The following ARHGAP11A variants were observed in gnomAD, a reference collection of about 807,000 sequenced individuals.
ARHGAP11A encodes Rho GTPase activating protein 11A, also known as rho GTPase-activating protein 11A.
In ARHGAP11A, 36 loss-of-function variants were observed where a neutral mutation model predicts 60.5. That is an observed-to-expected ratio of 0.59 (90% CI 0.46 to 0.79). The LOEUF (loss-of-function observed/expected upper bound fraction) is 0.79. Among genes scored for constraint, ARHGAP11A ranks in the 30% least tolerant of loss-of-function variants. The pLI is 0.00. For synonymous variants in ARHGAP11A, 362 were observed against 415.5 expected, an observed-to-expected ratio of 0.87 and a Z score of 1.57; for missense variants, 1,071 against 1,199.2, an observed-to-expected ratio of 0.89 and a Z score of 1.58.
In ARHGAP11A at chr15:32,637,313, C is replaced by A. The variant is rs764021628; in HGVS notation, c.2540C>A (p.Ser847Tyr). Residue 847 changes from serine to tyrosine, a missense_variant, in exon 12 of 12, where the codon TCT (serine) becomes TAT (tyrosine). Transcript: ENST00000361627. ...PVRQSVRRIN[S>Y]LLEYSRQPTG... ...CGTCAGTCCGTCAGAAGAATTAATT[C>A]TTTGTTGGAGTATAGCAGACAACCT... is the stretch of plus-strand genomic sequence containing the variant. 5.0e-6 allele frequency: 8 copies of A among 1,614,164 alleles called. No homozygotes were observed. Among genetic ancestry groups the A allele is most frequent in the Non-Finnish European group, 6.8e-6 (8 of 1,180,014 alleles).
At position 32,637,624 on chromosome 15, in the gene ARHGAP11A, A is replaced by C; in HGVS notation, c.2851A>C (p.Lys951Gln). 4 of 1,614,198 alleles carry C rather than the reference A, an allele frequency of 2.5e-6. No homozygotes were observed. The highest frequency in any genetic ancestry group is 3.4e-6 in the Non-Finnish European group (4 of 1,180,036). ...TAGGTCTACTACAGTTTATAAACAGAAGATCTTATCTGATGGCCAAGTTAA... is the reference window on the plus strand; with the variant it reads ...TAGGTCTACTACAGTTTATAAACAGCAGATCTTATCTGATGGCCAAGTTAA... ...SLRSTTVYKQ[K>Q]ILSDGQVKVP... The change falls in exon 12 of 12, where the codon AAG becomes CAG. Residue 951 changes from lysine (K) to glutamine (Q), a missense_variant. Lys to Gln is a moderately conservative substitution (Grantham distance 53). Around this residue, in one of 4 missense-constraint regions of ARHGAP11A, gnomAD observed 776 missense variants for 760.2 expected, o/e 1.02. Transcript: ENST00000361627.
At chr15:32,619,180 G>A (rs970538013) in intron 1 of ARHGAP11A, among the ~76,000 whole-genome samples, 1 of 152,104 alleles carries the variant, frequency 6.6e-6, no homozygotes, top group Admixed American at 6.6e-5. Flanking sequence ...CTTCTTGGTT[G>A]ATAACTTGTG....
In ARHGAP11A at chr15:32,637,765, A is replaced by G; in HGVS notation, c.2992A>G (p.Arg998Gly). ...CCTTAGGAGACCATCAGAAAGAGGA[A>G]GGGCCTGGTACAAAGGTTCTCCAAA... is the stretch of plus-strand genomic sequence containing the variant. ...RVLRRPSERG[R>G]AWYKGSPKHP... The change falls in exon 12 of 12, where the codon AGG (arginine) becomes GGG (glycine). Residue 998 changes from arginine to glycine, a missense_variant. Transcript: ENST00000361627. 6.2e-7 allele frequency: 1 copy of G among 1,614,078 alleles called. No homozygotes were observed. Among genetic ancestry groups the G allele is most frequent in the Non-Finnish European group, 8.5e-7 (1 of 1,179,974 alleles).
At chr15:32,629,975 T>TGTGTGTGTG (rs59288058) in intron 8 of ARHGAP11A, among the ~76,000 whole-genome samples, 36 of 128,958 alleles carry the variant, frequency 2.8e-4, no homozygotes, top group Admixed American at 4.9e-4. Flanking sequence ...TGTGTGTGTG[T>TGTGTGTGTG]TATGACAACA....
In ARHGAP11A at chr15:32,636,752, A is replaced by C; in HGVS notation, c.1979A>C (p.His660Pro). Residue 660 changes from histidine (H) to proline (P), a missense_variant, in exon 12 of 12, where the codon CAC becomes CCC. Coordinates refer to ENST00000361627, the MANE Select transcript of ARHGAP11A (RefSeq NM_014783.6). ...GTAGAATCAAAGGAGAAATATGAAC[A>C]CCACACTGGTAAAGGTGAAAAATGT... ...TIVESKEKYE[H>P]HTGKGEKCFS... 6.2e-7 allele frequency: 1 copy of C among 1,613,518 alleles called. No homozygotes were observed. Among genetic ancestry groups the C allele is most frequent in the African/African-American group, 1.3e-5 (1 of 75,030 alleles).
intron 6 of ARHGAP11A, among the ~76,000 whole-genome samples, chr15:32,626,198 C>G (rs2053454840): frequency 6.6e-6 from 1 of 150,518 alleles, no homozygotes; most frequent in African/African-American, 2.4e-5. Context: ...AGAAAATTAC[C>G]TGATTTGAAG....
rs1168851603 is a variant in ARHGAP11A, at chr15:32,617,471, C to CTTTTT, written c.129+1145_129+1149dup. Among the ~76,000 whole-genome samples the CTTTTT allele has an allele frequency of 4.6e-3, 469 of 102,000 alleles. 42 individuals carry two copies. The highest frequency in any genetic ancestry group is 0.017 in the African/African-American group (449 of 26,544). 66.9% of individuals were successfully genotyped at this position (102,000 alleles called of 152,430 possible). A position where few individuals can be genotyped will look rare whatever the true frequency, so the allele number is the denominator to read the frequency against. ...TTTTCACCCCTTTTCTTTTCTTTTC[C>CTTTTT]TTTTTTTTTTTTTTTTTTGAGATGG... On this transcript the variant is annotated intron_variant, in intron 1 of 11. Coordinates refer to ENST00000361627, the MANE Select transcript of ARHGAP11A (RefSeq NM_014783.6).
intron 1 of ARHGAP11A, among the ~76,000 whole-genome samples, chr15:32,617,283 T>G (rs934444516): frequency 2.6e-5 from 4 of 151,994 alleles, no homozygotes; most frequent in Admixed American, 2.6e-4. Flanking sequence ...TAATCGCTGA[T>G]AAACTTTGGA....
chr15:32,627,392 C>T (rs910023462), intron 6 of ARHGAP11A, among the ~76,000 whole-genome samples: 2 of 151,852 alleles, frequency 1.3e-5, no homozygotes, highest in African/African-American at 2.4e-5. Context: ...GTTTTCATGT[C>T]GTATAAGATT....
rs745377184 is a variant in ARHGAP11A, at chr15:32,637,524, A to G, written c.2751A>G (p.Ser917=). ...SCEESNIGAI[S]KSSMELPSKS... is the part of the protein sequence containing the mutation. ...AAGAGTCAAATATTGGTGCAATTTC[A>G]AAGTCAAGCATGGAGTTACCCTCGA... is the stretch of plus-strand genomic sequence containing the variant. Residue 917 remains serine (S), a synonymous_variant, in exon 12 of 12, where the codon TCA becomes TCG. Coordinates refer to ENST00000361627, the MANE Select transcript of ARHGAP11A (RefSeq NM_014783.6). 11 of 1,614,016 alleles carry G rather than the reference A, an allele frequency of 6.8e-6. No homozygotes were observed. In the East Asian group the frequency reaches 2.2e-4, roughly 33 times the overall value.
At chr15:32,627,415 T>C (rs1346345915) in intron 6 of ARHGAP11A, among the ~76,000 whole-genome samples, 1 of 151,976 alleles carries the variant, frequency 6.6e-6, no homozygotes, top group African/African-American at 2.4e-5. Context: ...ATCTCCGTAG[T>C]GTTTATTGCA....
chr15:32,632,970 T>A lies in ARHGAP11A; in HGVS notation c.1106-9T>A. 1 of 1,608,738 alleles carries A rather than the reference T, an allele frequency of 6.2e-7. No individual in the cohort carries two copies. The highest frequency in any genetic ancestry group is 8.5e-7 in the Non-Finnish European group (1 of 1,177,490). ...ATGTGTGGTATATTACATGTGGTTATTTTTGTAGTTCACATCGATACAAGC... is the reference window on the plus strand; with the variant it reads ...ATGTGTGGTATATTACATGTGGTTAATTTTGTAGTTCACATCGATACAAGC... On this transcript the variant is annotated splice_polypyrimidine_tract_variant and intron_variant, in intron 8 of 11. Coordinates refer to ENST00000361627, the MANE Select transcript of ARHGAP11A (RefSeq NM_014783.6).
chr15:32,628,624 C>T lies in ARHGAP11A; in HGVS notation c.863-104C>T, dbSNP rs971970692. 3.5e-5 allele frequency: 28 copies of T among 803,404 alleles called. 1 individual carries two copies. The highest frequency in any genetic ancestry group is 3.5e-4 in the South Asian group (18 of 51,846). The allele number at this position is 803,404 out of a possible 1,614,324, so 49.8% of individuals were successfully genotyped here. ...CTTAAATAACTTAAAATTTATAAGC[C>T]GATGTAAAGTTACATGTTGAAAGAA... On this transcript the variant is annotated intron_variant, in intron 6 of 11. Coordinates refer to ENST00000361627, the MANE Select transcript of ARHGAP11A (RefSeq NM_014783.6).
rs773265010 is a variant in ARHGAP11A, at chr15:32,637,671, T to C, written c.2898T>C (p.Thr966=). Residue 966 remains threonine (T), a synonymous_variant, in exon 12 of 12, where the codon ACT becomes ACC. Coordinates refer to ENST00000361627, the MANE Select transcript of ARHGAP11A (RefSeq NM_014783.6). ...GQVKVPLDDL[T]NHDIVKPVVN... ...TTAAGGTTCCCTTGGATGATCTGAC[T>C]AATCATGATATAGTAAAACCAGTTG... 3.1e-6 allele frequency: 5 copies of C among 1,614,190 alleles called. No homozygotes were observed. The Admixed American group carries it at 6.7e-5, about 22-fold the overall frequency.
chr15:32,638,782 A>G lies in ARHGAP11A; in HGVS notation c.*937A>G, dbSNP rs757282309. Reference sequence around the variant, plus strand: ...GGAAATAATTGATAACTTTTAAGCCATACTATGTTTTTAAAGATAATTTGC... The same window carrying G: ...GGAAATAATTGATAACTTTTAAGCCGTACTATGTTTTTAAAGATAATTTGC... On this transcript the variant is annotated 3_prime_UTR_variant, in exon 12 of 12. Transcript: ENST00000361627. The G allele has an allele frequency of 6.6e-5, 10 of 152,646 alleles. No homozygotes were observed. The highest frequency in any genetic ancestry group is 1.0e-4 in the Non-Finnish European group (7 of 68,040). The allele number at this position is 152,646 out of a possible 1,614,324, so 9.5% of individuals were successfully genotyped here. A position where few individuals can be genotyped will look rare whatever the true frequency, so the allele number is the denominator to read the frequency against.
At chr15:32,618,758 A>ACC (rs57091917) in intron 1 of ARHGAP11A, among the ~76,000 whole-genome samples, 35 of 117,476 alleles carry the variant, frequency 3.0e-4, no homozygotes, top group African/African-American at 5.5e-4. Context: ...ACACGGTGAA[A>ACC]CCCCCCCCCC....
chr15:32,626,003 A>G (rs2140456856), intron 6 of ARHGAP11A, among the ~76,000 whole-genome samples: 1 of 152,136 alleles, frequency 6.6e-6, no homozygotes, highest in African/African-American at 2.4e-5. Flanking sequence ...AGGTTTGTGT[A>G]GGGAAGAAGT....
intron 2 of ARHGAP11A, among the ~76,000 whole-genome samples, chr15:32,622,272 G>A (rs2053350806): frequency 6.6e-6 from 1 of 152,292 alleles, no homozygotes; most frequent in Non-Finnish European, 1.5e-5. Flanking sequence ...AGAAAAATTA[G>A]CTGGGCGTAG....
intron 6 of ARHGAP11A, among the ~76,000 whole-genome samples, chr15:32,627,645 T>C (rs552432276): frequency 7.2e-5 from 11 of 151,876 alleles, no homozygotes; most frequent in Non-Finnish European, 1.2e-4. Context: ...AGGAGAATGG[T>C]GTGAACCTGG....
Sources: gnomAD v4.1 joint callset for allele counts (sites outside exome capture counted in the v4.1 genomes callset) on GRCh38, gnomAD v4.1.1 for gene constraint, gnomAD v4.1.1 regional missense constraint, MANE v1.5 for transcripts, NCBI Gene and HGNC (gene_info 2026-07-23, HGNC 2026-07-21) for gene names.